SPHKAP: variants seen among roughly 807,000 people sequenced by gnomAD.
SPHKAP encodes the protein A-kinase anchor protein SPHKAP.
In SPHKAP, 67 loss-of-function variants were observed where a neutral mutation model predicts 137.5. The ratio of observed to expected loss-of-function variants is 0.49; its 90% CI spans 0.40 to 0.60. The LOEUF is 0.60. Among genes scored for constraint, SPHKAP ranks in the 20% least tolerant of loss-of-function variants. The pLI is 0.00. For missense variants in SPHKAP, 2,097 were observed against 2,069.3 expected (o/e 1.01, Z -0.26); for synonymous variants, 813 against 785.3 (o/e 1.04, Z -0.59).
chr2:228,021,244 C>T (rs1040473138), intron 6 of SPHKAP, among the ~76,000 whole-genome samples: 1 of 152,184 alleles, frequency 6.6e-6, no homozygotes, highest in Non-Finnish European at 1.5e-5. Flanking sequence ...CATGATCGTA[C>T]TCCCAAATTA....
chr2:228,180,872 G>A (rs1354177729), intron 1 of SPHKAP, among the ~76,000 whole-genome samples: 2 of 152,158 alleles, frequency 1.3e-5, no homozygotes, highest in East Asian at 3.9e-4. Context: ...AACACACCCC[G>A]AAAAACACGT....
At chr2:228,154,510 C>CTATATATATATATATATA (rs1255951798) in intron 1 of SPHKAP, among the ~76,000 whole-genome samples, 20 of 37,522 alleles carry the variant, frequency 5.3e-4, no homozygotes, top group Non-Finnish European at 5.9e-4. Flanking sequence ...CTCTCTCTCT[C>CTATATATATATATATATA]TCTATATATA....
intron 3 of SPHKAP, among the ~76,000 whole-genome samples, chr2:228,041,660 AAAAAAG>A (rs1695853636): frequency 1.3e-5 from 2 of 150,422 alleles, no homozygotes; most frequent in African/African-American, 5.0e-5. Context: ...AAAAAAAAAA[AAAAAAG>A]AAAAAAGAAA....
At chr2:228,082,782 T>A (rs536938682) in intron 3 of SPHKAP, among the ~76,000 whole-genome samples, 1 of 152,286 alleles carries the variant, frequency 6.6e-6, no homozygotes, top group African/African-American at 2.4e-5. Context: ...AAAATAATAC[T>A]CTTTACCCCT....
chr2:228,092,110 C>T (rs552847325), intron 3 of SPHKAP, among the ~76,000 whole-genome samples: 11 of 140,784 alleles, frequency 7.8e-5, no homozygotes, highest in African/African-American at 2.4e-4. Context: ...TGTATATATA[C>T]ACATATATAC....
chr2:228,039,387 T>C (rs921227938), intron 3 of SPHKAP, among the ~76,000 whole-genome samples: 2 of 152,148 alleles, frequency 1.3e-5, no homozygotes, highest in Non-Finnish European at 2.9e-5. Context: ...AATAAAATAT[T>C]CCTCACAACT....
At chr2:228,024,603 AGATTTT>A (rs1478534376) in intron 5 of SPHKAP, among the ~76,000 whole-genome samples, 1 of 152,026 alleles carries the variant, frequency 6.6e-6, no homozygotes, top group Non-Finnish European at 1.5e-5. Context: ...GGGCTTTTTG[AGATTTT>A]GAAGAGTTGA....
chr2:227,990,560 T>C (rs1159428576), intron 11 of SPHKAP, among the ~76,000 whole-genome samples: 1 of 152,178 alleles, frequency 6.6e-6, no homozygotes, highest in African/African-American at 2.4e-5. Context: ...AAATAAAAAG[T>C]CTTCCTAACA....
rs139157952 is a variant in SPHKAP at position 228,136,301 on chromosome 2, C to T, written c.33-4216G>A. 4.6e-3 allele frequency among the ~76,000 whole-genome samples: 694 copies of T among 152,144 alleles called. 9 individuals carry two copies. The highest frequency in any genetic ancestry group is 6.3e-3 in the Non-Finnish European group (425 of 67,990). ...TTTCAAACTGGTTTCATGCTGAAAC[C>T]GTTAAGTGTGTTTCAATGAGGATGT... On this transcript the variant is annotated intron_variant, in intron 1 of 11. Coordinates refer to ENST00000392056, the MANE Select transcript of SPHKAP (RefSeq NM_001142644.2).
intron 1 of SPHKAP, among the ~76,000 whole-genome samples, chr2:228,180,716 C>G (rs1026940383): frequency 1.3e-5 from 2 of 152,236 alleles, no homozygotes; most frequent in Non-Finnish European, 2.9e-5. Context: ...AGGCCACCTG[C>G]CCGGCTGGGG....
intron 1 of SPHKAP, among the ~76,000 whole-genome samples, chr2:228,178,583 C>A (rs1035948682): frequency 6.6e-6 from 1 of 151,886 alleles, no homozygotes. Context: ...CTTAGCAAAT[C>A]AAATCAATTT....
chr2:228,150,593 T>A (rs900591403), intron 1 of SPHKAP, among the ~76,000 whole-genome samples: 19 of 152,026 alleles, frequency 1.2e-4, no homozygotes, highest in African/African-American at 4.6e-4. Flanking sequence ...TTGATAATAC[T>A]TTTGTCTGTA....
At chr2:228,056,624 G>T (rs4531922) in intron 3 of SPHKAP, among the ~76,000 whole-genome samples, 151,998 of 152,004 alleles carry the variant, frequency 1, 75,996 homozygotes, top group Middle Eastern at 1. Context: ...CAGGAAGTAT[G>T]ACATAATGTA....
Position 228,018,670 on chromosome 2 carries a change from T to C in SPHKAP, c.2184A>G (p.Val728=). 1 of 1,614,216 alleles carries C rather than the reference T, an allele frequency of 6.2e-7. No homozygotes were observed. Among genetic ancestry groups the C allele is most frequent in the Non-Finnish European group, 8.5e-7 (1 of 1,180,042 alleles). ...GGACAGCAGGACATTCACCAAGCCG[T>C]ACAATATGACTCATCTTCTTGAACG... ...CFTFKKMSHI[V]RLGECPAVLS... Residue 728 remains valine, a synonymous_variant, in exon 7 of 12, where the codon GTA becomes GTG. Transcript: ENST00000392056.
chr2:228,076,176 A>G (rs1697176699), intron 3 of SPHKAP, among the ~76,000 whole-genome samples: 1 of 152,174 alleles, frequency 6.6e-6, no homozygotes, highest in Non-Finnish European at 1.5e-5. Context: ...GGCCTCCCCC[A>G]CCACTGGAAC....
intron 2 of SPHKAP, among the ~76,000 whole-genome samples, chr2:228,125,509 TCAGA>T (rs1447542805): frequency 2.6e-5 from 4 of 152,088 alleles, no homozygotes; most frequent in Non-Finnish European, 4.4e-5. Flanking sequence ...AGAATCTGAG[TCAGA>T]CAGGTTACAT....
Position 228,018,091 on chromosome 2 carries a change from T to A in SPHKAP, c.2763A>T (p.Pro921=). The stretch of plus-strand genomic sequence containing the variant: ...CAAAGTCTGTAATGCAGTAGATGTC[T>A]GGATGCTTTGTTTGAAGCGTGGATT... ...PAQSTLQTKH[P]DIYCITDFAE... The change falls in exon 7 of 12, where the codon CCA becomes CCT. Residue 921 remains proline, a synonymous_variant. Coordinates refer to ENST00000392056, the MANE Select transcript of SPHKAP (RefSeq NM_001142644.2). The A allele has an allele frequency of 6.2e-7, 1 of 1,614,202 alleles. No individual in the cohort carries two copies. The highest frequency in any genetic ancestry group is 8.5e-7 in the Non-Finnish European group (1 of 1,180,026).
chr2:227,989,515 T>A (rs143466324), intron 11 of SPHKAP, among the ~76,000 whole-genome samples: 2 of 152,288 alleles, frequency 1.3e-5, no homozygotes, highest in East Asian at 3.9e-4. Flanking sequence ...GGATGCGATA[T>A]CATGCCCTTA....
Position 228,025,388 on chromosome 2 carries a change from T to C in SPHKAP, c.441+6A>G, listed in dbSNP as rs1230938490. ...GTAAATGGCTTATCAAGAACTTATG[T>C]CTTACCTGTGAAACTTCAAAATCTG... On this transcript the variant is annotated splice_donor_region_variant and intron_variant, in intron 5 of 11. Coordinates refer to ENST00000392056, the MANE Select transcript of SPHKAP (RefSeq NM_001142644.2). The C allele has an allele frequency of 6.2e-7, 1 of 1,613,604 alleles. No homozygotes were observed. Among genetic ancestry groups the C allele is most frequent in the African/African-American group, 1.3e-5 (1 of 74,930 alleles).
Sources: allele counts gnomAD v4.1 joint callset (sites outside exome capture counted in the v4.1 genomes callset), GRCh38; gene constraint gnomAD v4.1.1; transcripts MANE v1.5; gene names NCBI Gene and HGNC (gene_info 2026-07-23, HGNC 2026-07-21).